TMEM143: variants seen among roughly 807,000 people sequenced by gnomAD.
The protein encoded by TMEM143 is transmembrane protein 143.
A neutral mutation model predicts 40.3 loss-of-function variants in TMEM143; 45 were observed. The ratio of observed to expected loss-of-function variants is 1.12; its 90% confidence interval spans 0.88 to 1.43. TMEM143 has a LOEUF of 1.43. TMEM143 is among the 40% of genes most tolerant of loss of function. The probability of loss-of-function intolerance (pLI) is 0.00; values close to 1 mark genes in which losing one functional copy is unlikely to be tolerated. For synonymous variants in TMEM143, 299 were observed against 282.7 expected (o/e 1.06, Z -0.58); for missense variants, 620 against 613.4 (o/e 1.01, Z -0.11).
At chr19:48,340,842 C>T (rs1969471245) in intron 6 of TMEM143, among the ~76,000 whole-genome samples, 1 of 152,090 alleles carries the variant, frequency 6.6e-6, no homozygotes, top group South Asian at 2.1e-4. Context: ...CCCCTCTCTA[C>T]CCTGCTCACT....
chr19:48,342,672 C>A lies in TMEM143; in HGVS notation c.833G>T (p.Arg278Leu), dbSNP rs1242619832. The A allele has an allele frequency of 6.2e-7, 1 of 1,614,012 alleles. No homozygotes were observed. Among genetic ancestry groups the A allele is most frequent in the Admixed American group, 1.7e-5 (1 of 60,008 alleles). Reference protein sequence around the residue: ...ELKVRTPTLQRALLNLMLVVS... With the variant: ...ELKVRTPTLQLALLNLMLVVS... ...TACCAGCATGAGGTTGAGCAGGGCGCGCTGCAGGGTGGGCGTGCGCACCTT... is the reference window on the plus strand; with the variant it reads ...TACCAGCATGAGGTTGAGCAGGGCGAGCTGCAGGGTGGGCGTGCGCACCTT... Residue 278 changes from arginine (R) to leucine (L), a missense_variant, in exon 6 of 8, where the codon CGC becomes CTC. Coordinates refer to ENST00000293261, the MANE Select transcript of TMEM143 (RefSeq NM_018273.4).
At chr19:48,352,977 C>T (rs1407100895) in intron 3 of TMEM143, among the ~76,000 whole-genome samples, 1 of 151,844 alleles carries the variant, frequency 6.6e-6, no homozygotes, top group African/African-American at 2.4e-5. Flanking sequence ...ACAATGAAAA[C>T]ATTATGTAAA....
In TMEM143 at chr19:48,334,081, C is replaced by T. The variant is rs1969282950; in HGVS notation, c.1092G>A (p.Glu364=). Reference sequence around the variant, plus strand: ...GAGCCAGCAGCGCCTCCTTGGTGTGCTCGTCCTGCGCGCGCAGGGCCAGGG... The same window carrying T: ...GAGCCAGCAGCGCCTCCTTGGTGTGTTCGTCCTGCGCGCGCAGGGCCAGGG... ...LSALALRAQD[E]HTKEALLAHS... The change falls in exon 7 of 8, where the codon GAG becomes GAA. Residue 364 remains glutamate, a synonymous_variant. Transcript: ENST00000293261. 1.3e-6 allele frequency: 2 copies of T among 1,588,380 alleles called. No homozygotes were observed. The highest frequency in any genetic ancestry group is 8.6e-7 in the Non-Finnish European group (1 of 1,168,884).
chr19:48,360,063 C>T lies in TMEM143; in HGVS notation c.369+9G>A, dbSNP rs373468939. The T allele has an allele frequency of 8.4e-5, 135 of 1,613,258 alleles. No homozygotes were observed. The highest frequency in any genetic ancestry group is 1.0e-4 in the Non-Finnish European group (118 of 1,179,634). ...AAGCACCACAGGGCTGGAAGGGCCC[C>T]GTCCTCACCTGCAGCCGGGCCAGGA... On this transcript the variant is annotated intron_variant, in intron 3 of 7. Transcript: ENST00000293261.
At chr19:48,361,267 TGGA>T (rs1377817364) in intron 2 of TMEM143, among the ~76,000 whole-genome samples, 1 of 151,488 alleles carries the variant, frequency 6.6e-6, no homozygotes, top group Non-Finnish European at 1.5e-5. Context: ...TTGCCAAGGC[TGGA>T]GTGCAGCGGC....
chr19:48,354,376 T>G (rs1299735805), intron 3 of TMEM143, among the ~76,000 whole-genome samples: 1 of 150,842 alleles, frequency 6.6e-6, no homozygotes, highest in Admixed American at 6.6e-5. Context: ...GTGATTCTCC[T>G]ACCTCAGCCT....
chr19:48,348,004 T>A (rs1483607332), intron 3 of TMEM143, among the ~76,000 whole-genome samples: 1 of 139,260 alleles, frequency 7.2e-6, no homozygotes, highest in Non-Finnish European at 1.5e-5. Flanking sequence ...CCAGCCTGGG[T>A]GACAGAGCGA....
intron 3 of TMEM143, among the ~76,000 whole-genome samples, chr19:48,352,673 G>A (rs1213435954): frequency 1.3e-5 from 2 of 152,024 alleles, no homozygotes; most frequent in Non-Finnish European, 1.5e-5. Context: ...TACTCAGGAG[G>A]CTGAGGCAGG....
intron 3 of TMEM143, among the ~76,000 whole-genome samples, chr19:48,349,013 CA>C (rs925166143): frequency 6.7e-6 from 1 of 149,384 alleles, no homozygotes; most frequent in Admixed American, 6.7e-5. Context: ...CCATCTCTAC[CA>C]AAAAAAAATA....
At chr19:48,360,790 T>C (rs951202134) in intron 2 of TMEM143, among the ~76,000 whole-genome samples, 32 of 152,056 alleles carry the variant, frequency 2.1e-4, no homozygotes, top group East Asian at 3.9e-4. Flanking sequence ...ATGGAATTAT[T>C]ATTATTATTA....
intron 6 of TMEM143, among the ~76,000 whole-genome samples, chr19:48,341,025 G>T (rs746052087): frequency 6.6e-6 from 1 of 152,200 alleles, no homozygotes; most frequent in Non-Finnish European, 1.5e-5. Context: ...CCTCTCAGGC[G>T]GCACAGCCTG....
chr19:48,345,351 A>G lies in TMEM143; in HGVS notation c.373T>C (p.Leu125=). The G allele has an allele frequency of 6.5e-7, 1 of 1,535,954 alleles. No homozygotes were observed. The highest frequency in any genetic ancestry group is 8.7e-7 in the Non-Finnish European group (1 of 1,144,510). The change falls in exon 4 of 8, where the codon TTA becomes CTA. Residue 125 remains leucine (L), a synonymous_variant. Coordinates refer to ENST00000293261, the MANE Select transcript of TMEM143 (RefSeq NM_018273.4). ...YHQILARLQA[L]YDPINPDRET... ...CTGTCAGGGTTGATGGGGTCATATAAGGCCTAAGAGGAGAGTCAGAGAGAA... is the reference window on the plus strand; with the variant it reads ...CTGTCAGGGTTGATGGGGTCATATAGGGCCTAAGAGGAGAGTCAGAGAGAA...
chr19:48,357,206 T>C (rs8102113), intron 3 of TMEM143, among the ~76,000 whole-genome samples: 112,929 of 150,988 alleles, frequency 0.75, 42,369 homozygotes, highest in Admixed American at 0.84. Context: ...ATCCACCTGC[T>C]TTGGCCACCC....
chr19:48,342,194 G>A (rs1600902428), intron 6 of TMEM143, among the ~76,000 whole-genome samples: 1 of 117,334 alleles, frequency 8.5e-6, no homozygotes, highest in Admixed American at 8.1e-5. Flanking sequence ...GGAGAGGAGG[G>A]GAGGCGGAAG....
chr19:48,340,279 A>G (rs1969461328), intron 6 of TMEM143, among the ~76,000 whole-genome samples: 2 of 151,610 alleles, frequency 1.3e-5, no homozygotes, highest in South Asian at 4.2e-4. Flanking sequence ...GGCATGTGCC[A>G]CCATGCCCAG....
At chr19:48,346,305 T>C (rs551808120) in intron 3 of TMEM143, among the ~76,000 whole-genome samples, 34 of 151,918 alleles carry the variant, frequency 2.2e-4, no homozygotes, top group South Asian at 1.0e-3. Context: ...TTGGCCAGGC[T>C]GGACTCGAAT....
chr19:48,350,407 T>G (rs898899417), intron 3 of TMEM143, among the ~76,000 whole-genome samples: 7 of 152,080 alleles, frequency 4.6e-5, no homozygotes, highest in African/African-American at 1.7e-4. Context: ...GACCCCAGTA[T>G]AGCAACCAAG....
At chr19:48,345,045 T>G in intron 4 of TMEM143, 115 bp downstream of exon 4, 1 of 1,140,408 alleles carries the variant, frequency 8.8e-7, no homozygotes, top group Non-Finnish European at 1.2e-6. Flanking sequence ...AAGTGCGCCA[T>G]ATGGGCCACA....
In TMEM143 at chr19:48,336,289, G is replaced by A. The variant is rs1477916396; in HGVS notation, c.976-2092C>T. Among the ~76,000 whole-genome samples, 2 of 152,110 alleles carry A rather than the reference G, an allele frequency of 1.3e-5. 1 individual carries two copies. The highest frequency in any genetic ancestry group is 1.3e-4 in the Admixed American group (2 of 15,270). On this transcript the variant is annotated intron_variant, in intron 6 of 7. Coordinates refer to ENST00000293261, the MANE Select transcript of TMEM143 (RefSeq NM_018273.4). ...TTCTAGCACTTTGGGAGGCCGAGAC[G>A]GGCAGATCACTTGAGGTCAGGAGTT...
Sources: gnomAD v4.1 joint callset for allele counts (sites outside exome capture counted in the v4.1 genomes callset) on GRCh38, gnomAD v4.1.1 for gene constraint, MANE v1.5 for transcripts, NCBI Gene and HGNC (gene_info 2026-07-23, HGNC 2026-07-21) for gene names.